PCDH11Y: variants seen among roughly 807,000 people sequenced by gnomAD.
PCDH11Y encodes the protein protocadherin-11 Y-linked.
For missense variants in PCDH11Y, 12 were observed against 224.8 expected, an observed-to-expected ratio of 0.05 and a Z score of 6.05; for synonymous variants, 9 against 83.6, an observed-to-expected ratio of 0.11 and a Z score of 4.87.
At chrY:5,388,519 G>A in intron 2 of PCDH11Y, among the ~76,000 whole-genome samples, 1 of 33,014 alleles carries the variant, frequency 3.0e-5, no homozygotes, top group African/African-American at 1.2e-4. Context: ...CACAGTATTT[G>A]GGCTGTCTCC....
At chrY:5,119,457 A>AAT (rs2052815305) in intron 2 of PCDH11Y, among the ~76,000 whole-genome samples, 2 of 32,509 alleles carry the variant, frequency 6.2e-5, no homozygotes, top group Admixed American at 5.8e-4. Flanking sequence ...TGGAGGAGGG[A>AAT]ATATATATAC....
intron 4 of PCDH11Y, among the ~76,000 whole-genome samples, chrY:5,682,441 A>G: frequency 1.1e-4 from 3 of 26,626 alleles, no homozygotes; most frequent in African/African-American, 4.4e-4. Flanking sequence ...CAATTATGTC[A>G]CATGGCAAAA....
intron 3 of PCDH11Y, among the ~76,000 whole-genome samples, chrY:5,515,465 G>A (rs2053370972): frequency 3.0e-5 from 1 of 33,110 alleles, no homozygotes; most frequent in Non-Finnish European, 7.4e-5. Flanking sequence ...TCATGGATAG[G>A]AAGAATCAAT....
intron 2 of PCDH11Y, among the ~76,000 whole-genome samples, chrY:5,415,294 C>T (rs2053252087): frequency 3.1e-5 from 1 of 32,320 alleles, no homozygotes; most frequent in Non-Finnish European, 7.5e-5. Flanking sequence ...GAAGGAAAGG[C>T]AAAGTCTACT....
At chrY:5,059,699 G>C in intron 1 of PCDH11Y, among the ~76,000 whole-genome samples, 1 of 33,479 alleles carries the variant, frequency 3.0e-5, no homozygotes, top group South Asian at 6.7e-4. Flanking sequence ...GTCAGCAAAT[G>C]ACAAAAAGTC....
intron 3 of PCDH11Y, among the ~76,000 whole-genome samples, chrY:5,541,809 A>C: frequency 3.0e-4 from 8 of 26,711 alleles, no homozygotes; most frequent in Non-Finnish European, 1.7e-4. Flanking sequence ...TCTTTCAGTG[A>C]TCATGCTAGT....
At chrY:5,330,700 A>C in intron 2 of PCDH11Y, among the ~76,000 whole-genome samples, 1 of 34,062 alleles carries the variant, frequency 2.9e-5, no homozygotes, top group Non-Finnish European at 7.4e-5. Flanking sequence ...AGCTCTAAAA[A>C]TGTTGCTGTT....
At chrY:5,169,688 A>G (rs2052884585) in intron 2 of PCDH11Y, among the ~76,000 whole-genome samples, 1 of 32,225 alleles carries the variant, frequency 3.1e-5, no homozygotes, top group South Asian at 6.8e-4. Flanking sequence ...CCCTTTAGAT[A>G]TAGACATTAT....
intron 2 of PCDH11Y, among the ~76,000 whole-genome samples, chrY:5,174,139 GATATATATAT>G (rs771513755): frequency 5.1e-4 from 5 of 9,846 alleles, no homozygotes; most frequent in Admixed American, 1.1e-3. Context: ...ATACAAATGT[GATATATATAT>G]ATATATATAT....
At chrY:5,597,349 G>GTATATATA (rs2053468429) in intron 4 of PCDH11Y, among the ~76,000 whole-genome samples, 8 of 11,569 alleles carry the variant, frequency 6.9e-4, no homozygotes, top group African/African-American at 2.4e-3. Flanking sequence ...GTATATATAT[G>GTATATATA]TGTGTATATA....
intron 2 of PCDH11Y, among the ~76,000 whole-genome samples, chrY:5,111,634 G>A: frequency 5.9e-5 from 2 of 33,702 alleles, no homozygotes; most frequent in African/African-American, 2.3e-4. Flanking sequence ...AGAAAAAAGA[G>A]TTTTACATGC....
chrY:5,576,720 CAAGATTTTATTTCTTAAAATATG>C (rs2053446436), intron 3 of PCDH11Y, among the ~76,000 whole-genome samples: 3 of 33,242 alleles, frequency 9.0e-5, no homozygotes, highest in African/African-American at 3.5e-4. Flanking sequence ...TCTGCCAAAG[CAAGATTTTATTTCTTAAAATATG>C]ATTTTCTCTT....
At chrY:5,239,427 G>C in intron 2 of PCDH11Y, among the ~76,000 whole-genome samples, 1 of 32,126 alleles carries the variant, frequency 3.1e-5, no homozygotes, top group Admixed American at 2.9e-4. Context: ...GCCTGTTGGG[G>C]GTCGGGGGAG....
At chrY:5,250,738 C>A (rs2053003132) in intron 2 of PCDH11Y, among the ~76,000 whole-genome samples, 1 of 31,626 alleles carries the variant, frequency 3.2e-5, no homozygotes, top group Non-Finnish European at 7.7e-5. Flanking sequence ...ATATAACAAA[C>A]CTCCACATGT....
chrY:5,232,354 A>G, intron 2 of PCDH11Y, among the ~76,000 whole-genome samples: 1 of 32,837 alleles, frequency 3.0e-5, no homozygotes, highest in Non-Finnish European at 7.5e-5. Flanking sequence ...GTACCTGGGT[A>G]TTGCTGCTGG....
chrY:5,095,848 A>T, intron 1 of PCDH11Y, among the ~76,000 whole-genome samples: 1 of 33,309 alleles, frequency 3.0e-5, no homozygotes, highest in African/African-American at 1.2e-4. Context: ...TAGGAATAGA[A>T]TGCTCACGTT....
At chrY:5,029,740 C>T (rs2124621204) in intron 1 of PCDH11Y, among the ~76,000 whole-genome samples, 1 of 27,853 alleles carries the variant, frequency 3.6e-5, no homozygotes, top group East Asian at 9.6e-4. Flanking sequence ...CTGGCCAACA[C>T]GGTGAAACCC....
chrY:5,238,483 T>A (rs1602891533), intron 2 of PCDH11Y, among the ~76,000 whole-genome samples: 1 of 33,019 alleles, frequency 3.0e-5, no homozygotes, highest in Non-Finnish European at 7.5e-5. Flanking sequence ...GAAGAAAACC[T>A]AGGCAATACC....
intron 2 of PCDH11Y, among the ~76,000 whole-genome samples, chrY:5,198,144 T>A: frequency 6.4e-5 from 1 of 15,546 alleles, no homozygotes; most frequent in Admixed American, 5.5e-4. Flanking sequence ...TATATACAAC[T>A]TTTTTTTTTT....
Sources: allele counts gnomAD v4.1 joint callset (sites outside exome capture counted in the v4.1 genomes callset), GRCh38; gene constraint gnomAD v4.1.1; transcripts MANE v1.5; gene names NCBI Gene and HGNC (gene_info 2026-07-23, HGNC 2026-07-21).